KLF7: variants seen among roughly 807,000 people sequenced by gnomAD.
KLF7 encodes the protein Krueppel-like factor 7.
A neutral mutation model predicts 27.3 loss-of-function variants in KLF7; 2 were observed. The observed-to-expected ratio is 0.07, with a 90% confidence interval of 0.03 to 0.23. The LOEUF (loss-of-function observed/expected upper bound fraction) is 0.23, where lower values mean the gene tolerates loss of function less well. Among genes scored for constraint, KLF7 ranks in the 10% least tolerant of loss-of-function variants. The probability of loss-of-function intolerance (pLI) is 1.00; values close to 1 mark genes in which losing one functional copy is unlikely to be tolerated. For missense variants in KLF7, 221 were observed against 394.1 expected (o/e 0.56, Z 3.72); for synonymous variants, 165 against 162.4 (o/e 1.02, Z -0.12).
intron 1 of KLF7, among the ~76,000 whole-genome samples, chr2:207,160,521 C>A (rs2078515728): frequency 6.6e-6 from 1 of 152,208 alleles, no homozygotes; most frequent in African/African-American, 2.4e-5. Flanking sequence ...TATCCACCGA[C>A]CCCGTCTGGA....
In KLF7 at chr2:207,077,729, C is replaced by T. The variant is rs993200959; in HGVS notation, c.*3484G>A. On this transcript the variant is annotated 3_prime_UTR_variant, in exon 4 of 4. Coordinates refer to ENST00000309446, the MANE Select transcript of KLF7 (RefSeq NM_003709.4). ...GTAGCTAGGAGCAGCATTATAATTT[C>T]AGGTTTCCATGTCTATGACTTACAG... is the stretch of plus-strand genomic sequence containing the variant. 6.6e-6 allele frequency: 1 copy of T among 151,974 alleles called. No homozygotes were observed. The highest frequency in any genetic ancestry group is 1.5e-5 in the Non-Finnish European group (1 of 68,018). 9.4% of individuals were successfully genotyped at this position (151,974 alleles called of 1,614,324 possible).
chr2:207,130,136 GTTT>G (rs2077585948), intron 1 of KLF7, among the ~76,000 whole-genome samples: 1 of 151,442 alleles, frequency 6.6e-6, no homozygotes, highest in African/African-American at 2.4e-5. Flanking sequence ...TACCTAAAGG[GTTT>G]CTTTCCTTCA....
intron 1 of KLF7, among the ~76,000 whole-genome samples, chr2:207,143,237 A>G (rs1434079618): frequency 1.3e-5 from 2 of 152,218 alleles, no homozygotes; most frequent in Admixed American, 1.3e-4. Flanking sequence ...TTTGCCTGGT[A>G]GCTGAAGCAA....
chr2:207,166,177 G>A (rs1240386778), upstream of KLF7: 1 of 986,106 alleles, frequency 1.0e-6, no homozygotes, highest in Non-Finnish European at 1.2e-6. Context: ...GCGTCCATTA[G>A]GCCGCGTGTG....
intron 2 of KLF7, among the ~76,000 whole-genome samples, chr2:207,109,313 T>G (rs188825956): frequency 5.9e-5 from 9 of 152,284 alleles, no homozygotes; most frequent in African/African-American, 2.2e-4. Context: ...ACTGAACAAG[T>G]AAAATAACAA....
At chr2:207,090,434 G>A (rs16839150) in intron 2 of KLF7, among the ~76,000 whole-genome samples, 11,267 of 152,236 alleles carry the variant, frequency 0.074, 463 homozygotes, top group Middle Eastern at 0.099. Flanking sequence ...TCTGTTAAAC[G>A]AGGGTGAGCT....
chr2:207,168,761 C>T (rs966842130), upstream of KLF7, among the ~76,000 whole-genome samples: 9 of 152,208 alleles, frequency 5.9e-5, no homozygotes, highest in African/African-American at 1.9e-4. Context: ...TGCAGCAAGG[C>T]ATTCTGAAAG....
chr2:207,164,667 G>C (rs960179113), intron 1 of KLF7, among the ~76,000 whole-genome samples: 1 of 152,134 alleles, frequency 6.6e-6, no homozygotes, highest in Non-Finnish European at 1.5e-5. Context: ...CAGCATCCTG[G>C]GAGTTTCTTA....
chr2:207,112,192 C>T (rs1476185991), intron 2 of KLF7, among the ~76,000 whole-genome samples: 2 of 73,876 alleles, frequency 2.7e-5, no homozygotes, highest in African/African-American at 1.4e-4. Flanking sequence ...TGATTAACAA[C>T]TGGTCCTTTT....
At chr2:207,160,596 T>G (rs202003445) in intron 1 of KLF7, among the ~76,000 whole-genome samples, 2,014 of 147,976 alleles carry the variant, frequency 0.014, 27 homozygotes, top group South Asian at 0.019. Flanking sequence ...GTATTCTTCT[T>G]TCCTCAACAG....
upstream of KLF7, chr2:207,166,048 AC>A (rs1355417508): frequency 2.5e-4 from 62 of 251,962 alleles, no homozygotes; most frequent in Non-Finnish European, 2.9e-4. Context: ...CCCACCCCCC[AC>A]CCCATCCTTG....
Position 207,074,835 on chromosome 2 carries a change from T to G in KLF7, c.*6378A>C, listed in dbSNP as rs2076148456. 6.6e-6 allele frequency: 1 copy of G among 152,226 alleles called. No homozygotes were observed. The highest frequency in any genetic ancestry group is 2.4e-5 in the African/African-American group (1 of 41,450). 9.4% of individuals were successfully genotyped at this position (152,226 alleles called of 1,614,324 possible). A position where few individuals can be genotyped will look rare whatever the true frequency, so the allele number is the denominator to read the frequency against. On this transcript the variant is annotated 3_prime_UTR_variant, in exon 4 of 4. Transcript: ENST00000309446. The stretch of plus-strand genomic sequence containing the variant: ...ATTGCTTTTCATAATCTCCAACAAT[T>G]GGCTCCCTTTTTCCCCTTGAAGAAA...
intron 1 of KLF7, among the ~76,000 whole-genome samples, chr2:207,161,509 A>G (rs2078545073): frequency 6.6e-6 from 1 of 152,230 alleles, no homozygotes; most frequent in South Asian, 2.1e-4. Context: ...GACAGACCCT[A>G]CAGTTTGCTT....
chr2:207,101,393 T>C (rs980173016), intron 2 of KLF7, among the ~76,000 whole-genome samples: 2 of 152,204 alleles, frequency 1.3e-5, no homozygotes, highest in Admixed American at 1.3e-4. Flanking sequence ...AGAAAATCCC[T>C]AAGACTTGGT....
intron 1 of KLF7, among the ~76,000 whole-genome samples, chr2:207,138,097 A>G (rs1323368987): frequency 6.6e-6 from 1 of 152,158 alleles, no homozygotes; most frequent in Non-Finnish European, 1.5e-5. Flanking sequence ...CCAGACTCTC[A>G]TTGAGGAAGA....
intron 1 of KLF7, among the ~76,000 whole-genome samples, chr2:207,158,184 C>T (rs1193743007): frequency 6.6e-6 from 1 of 151,952 alleles, no homozygotes; most frequent in African/African-American, 2.4e-5. Context: ...GAACTTTCAC[C>T]ATCATAACTA....
At chr2:207,143,935 A>C (rs1411582787) in intron 1 of KLF7, among the ~76,000 whole-genome samples, 1 of 152,150 alleles carries the variant, frequency 6.6e-6, no homozygotes. Flanking sequence ...TCACAAAACC[A>C]ATAGAGCAGC....
At chr2:207,109,567 G>A (rs2076972750) in intron 2 of KLF7, among the ~76,000 whole-genome samples, 1 of 152,186 alleles carries the variant, frequency 6.6e-6, no homozygotes, top group Non-Finnish European at 1.5e-5. Context: ...AAGGATGTAT[G>A]TGAAACACTT....
chr2:207,109,637 C>T (rs2076974573), intron 2 of KLF7, among the ~76,000 whole-genome samples: 1 of 152,214 alleles, frequency 6.6e-6, no homozygotes, highest in African/African-American at 2.4e-5. Flanking sequence ...AATGCACTAA[C>T]ATAGAAGCAG....
Sources: gnomAD v4.1 joint callset for allele counts (sites outside exome capture counted in the v4.1 genomes callset) on GRCh38, gnomAD v4.1.1 for gene constraint, MANE v1.5 for transcripts, NCBI Gene and HGNC (gene_info 2026-07-23, HGNC 2026-07-21) for gene names.